Variants in PAPPA observed in about 807,000 individuals in gnomAD.
PAPPA encodes the protein pappalysin-1.
PAPPA carries 60 observed loss-of-function variants against 164.0 expected under a neutral mutation model. That is an observed-to-expected ratio of 0.37 (90% confidence interval 0.30 to 0.45). The LOEUF (loss-of-function observed/expected upper bound fraction) is 0.45. Ranked by LOEUF, PAPPA falls within the 20% of genes least tolerant of loss-of-function variation. The pLI is 1.00. For missense variants in PAPPA, 1,782 were observed against 2,087.3 expected, an observed-to-expected ratio of 0.85 and a Z score of 2.85; for synonymous variants, 875 against 814.1, an observed-to-expected ratio of 1.07 and a Z score of -1.27.
rs532317304 is a variant in PAPPA at position 116,325,524 on chromosome 9, C to T, written c.3148-5720C>T. On this transcript the variant is annotated intron_variant, in intron 10 of 21. Transcript: ENST00000328252. Reference sequence around the variant, plus strand: ...TATTTGAAGGAAACACAGAATATCTCTGCAGATAATGGATAGTCTAAGGGA... The same window carrying T: ...TATTTGAAGGAAACACAGAATATCTTTGCAGATAATGGATAGTCTAAGGGA... Among the ~76,000 whole-genome samples the T allele has an allele frequency of 7.2e-4, 109 of 152,314 alleles. 1 individual carries two copies. Among genetic ancestry groups the T allele is most frequent in the African/African-American group, 2.5e-3 (102 of 41,576 alleles).
intron 2 of PAPPA, among the ~76,000 whole-genome samples, chr9:116,190,119 T>C (rs2118635801): frequency 6.6e-6 from 1 of 152,244 alleles, no homozygotes; most frequent in East Asian, 1.9e-4. Context: ...ATTTGACTGA[T>C]GGGAAATAGA....
intron 7 of PAPPA, among the ~76,000 whole-genome samples, chr9:116,259,500 T>C (rs541512682): frequency 5.8e-4 from 88 of 152,130 alleles, no homozygotes; most frequent in Non-Finnish European, 9.1e-4. Flanking sequence ...GAACAAACAA[T>C]ATGCATGACT....
chr9:116,318,039 C>T (rs997277378), intron 10 of PAPPA, among the ~76,000 whole-genome samples: 1 of 152,158 alleles, frequency 6.6e-6, no homozygotes, highest in African/African-American at 2.4e-5. Flanking sequence ...TTCACGCCTC[C>T]GCTGTTGACA....
intron 19 of PAPPA, among the ~76,000 whole-genome samples, chr9:116,374,972 C>A (rs1846630443): frequency 1.3e-5 from 2 of 152,240 alleles, no homozygotes; most frequent in African/African-American, 2.4e-5. Context: ...TCATGTATTT[C>A]TTCACTGTGC....
At chr9:116,309,021 T>C (rs894643431) in intron 10 of PAPPA, among the ~76,000 whole-genome samples, 2 of 151,960 alleles carry the variant, frequency 1.3e-5, no homozygotes, top group Admixed American at 1.3e-4. Context: ...GTGCTATACA[T>C]AGGAAACCTT....
At chr9:116,371,538 A>AACTT (rs1376529457) in intron 19 of PAPPA, among the ~76,000 whole-genome samples, 2 of 152,230 alleles carry the variant, frequency 1.3e-5, no homozygotes, top group East Asian at 3.8e-4. Context: ...CATACTACCC[A>AACTT]ACTTAATAAA....
intron 1 of PAPPA, among the ~76,000 whole-genome samples, chr9:116,184,706 G>A (rs1017734993): frequency 6.6e-6 from 1 of 152,172 alleles, no homozygotes; most frequent in Non-Finnish European, 1.5e-5. Flanking sequence ...AAATTACCCT[G>A]AGTGCAAAGA....
chr9:116,199,426 T>C (rs941457839), intron 2 of PAPPA, among the ~76,000 whole-genome samples: 5 of 152,146 alleles, frequency 3.3e-5, no homozygotes, highest in African/African-American at 9.7e-5. Flanking sequence ...TAACTCAGCA[T>C]CAGATTTTTC....
At chr9:116,216,975 C>T (rs1370600678) in intron 4 of PAPPA, among the ~76,000 whole-genome samples, 2 of 152,060 alleles carry the variant, frequency 1.3e-5, no homozygotes, top group East Asian at 1.9e-4. Flanking sequence ...TTCCTGACCT[C>T]GTGATCCGCC....
chr9:116,175,878 C>T (rs1016261279), intron 1 of PAPPA, among the ~76,000 whole-genome samples: 1 of 152,118 alleles, frequency 6.6e-6, no homozygotes, highest in Non-Finnish European at 1.5e-5. Context: ...AACAACTAAA[C>T]AACCAAAAAC....
At chr9:116,377,551 G>C in intron 19 of PAPPA, 25 bp from the exon 20 acceptor site, 1 of 1,586,042 alleles carries the variant, frequency 6.3e-7, no homozygotes, top group South Asian at 1.1e-5. Flanking sequence ...AAGCCCATCT[G>C]ACCTTTCTCT....
chr9:116,207,579 C>A lies in PAPPA; in HGVS notation c.1602C>A (p.Asp534Glu). ...ELAGVATWPWDKEALMHLGGI... is the reference protein window; with the variant it reads ...ELAGVATWPWEKEALMHLGGI... Reference sequence around the variant, plus strand: ...CAGGAGTAGCAACTTGGCCATGGGACAAGGAGGCCCTGATGCACTTAGGTG... The same window carrying A: ...CAGGAGTAGCAACTTGGCCATGGGAAAAGGAGGCCCTGATGCACTTAGGTG... The change falls in exon 3 of 22, where the codon GAC becomes GAA. Residue 534 changes from aspartate (D) to glutamate (E), a missense_variant. Physicochemically the swap from Asp to Glu is conservative, Grantham distance 45 (BLOSUM62 2). This residue lies in a region of PAPPA where 1,324 missense variants were observed against 1,656.9 expected (regional missense o/e 0.80). Coordinates refer to ENST00000328252, the MANE Select transcript of PAPPA (RefSeq NM_002581.5). The A allele has an allele frequency of 6.2e-7, 1 of 1,613,444 alleles. No homozygotes were observed. The highest frequency in any genetic ancestry group is 8.5e-7 in the Non-Finnish European group (1 of 1,179,616).
intron 13 of PAPPA, among the ~76,000 whole-genome samples, chr9:116,340,709 GA>G (rs929890249): frequency 6.6e-6 from 1 of 150,958 alleles, no homozygotes; most frequent in African/African-American, 2.4e-5. Flanking sequence ...AATGTCCCAT[GA>G]AAAAAAAATG....
rs1441404508 is a variant in PAPPA, at chr9:116,219,930, C to G, written c.1919-7C>G. The stretch of plus-strand genomic sequence containing the variant: ...TGGTGCTTATCTCTCCCTCTGCCTG[C>G]TTGCAGATGACGACTGTACGGACTC... On this transcript the variant is annotated splice_polypyrimidine_tract_variant and splice_region_variant and intron_variant, in intron 4 of 21. Transcript: ENST00000328252. 1.2e-6 allele frequency: 2 copies of G among 1,601,494 alleles called. No homozygotes were observed. The highest frequency in any genetic ancestry group is 2.7e-5 in the African/African-American group (2 of 74,848).
At chr9:116,156,274 A>AAG (rs1843600710) in intron 1 of PAPPA, among the ~76,000 whole-genome samples, 5 of 104,340 alleles carry the variant, frequency 4.8e-5, no homozygotes, top group African/African-American at 1.6e-4. Flanking sequence ...CTACATAAAT[A>AAG]CGTGTGTGTG....
chr9:116,186,971 G>A (rs1843978183), intron 1 of PAPPA, among the ~76,000 whole-genome samples, 183 bp from the exon 2 acceptor site: 1 of 151,966 alleles, frequency 6.6e-6, no homozygotes, highest in South Asian at 2.1e-4. Context: ...AGCTCCTCCA[G>A]CCCTTGCCTT....
At position 116,228,754 on chromosome 9, in the gene PAPPA, C is replaced by A. The variant is rs557577750; in HGVS notation, c.2233+1202C>A. ...CTGGGGTCATCTGGCCCGGGCTCCCCCCAAGTGCAGGAATCCCCTCTATGT... is the reference window on the plus strand; with the variant it reads ...CTGGGGTCATCTGGCCCGGGCTCCCACCAAGTGCAGGAATCCCCTCTATGT... On this transcript the variant is annotated intron_variant, in intron 6 of 21. Transcript: ENST00000328252. Among the ~76,000 whole-genome samples the A allele has an allele frequency of 2.0e-5, 3 of 152,254 alleles. No homozygotes were observed. The South Asian group carries it at 6.2e-4, about 32-fold the overall frequency.
intron 7 of PAPPA, among the ~76,000 whole-genome samples, chr9:116,263,009 T>C (rs1294853413): frequency 6.6e-6 from 1 of 152,204 alleles, no homozygotes; most frequent in Non-Finnish European, 1.5e-5. Context: ...ATAATCTTTT[T>C]AGTAACTGCT....
chr9:116,372,168 T>C (rs989615226), intron 19 of PAPPA, among the ~76,000 whole-genome samples: 1 of 152,086 alleles, frequency 6.6e-6, no homozygotes, highest in Non-Finnish European at 1.5e-5. Flanking sequence ...AACTCAATAA[T>C]AGGTGGAAAT....
Sources: gnomAD v4.1 joint callset for allele counts (sites outside exome capture counted in the v4.1 genomes callset) on GRCh38, gnomAD v4.1.1 for gene constraint, gnomAD v4.1.1 regional missense constraint, MANE v1.5 for transcripts, NCBI Gene and HGNC (gene_info 2026-07-23, HGNC 2026-07-21) for gene names.